Variants in MYO1B observed in about 807,000 individuals in gnomAD.
MYO1B encodes the protein unconventional myosin-Ib.
In MYO1B, 72 loss-of-function variants were observed where a neutral mutation model predicts 159.7. The ratio of observed to expected loss-of-function variants is 0.45; its 90% CI spans 0.37 to 0.55. The LOEUF is 0.55. Among genes scored for constraint, MYO1B ranks in the 20% least tolerant of loss-of-function variants. MYO1B has a pLI of 0.00. For synonymous variants in MYO1B, 468 were observed against 473.8 expected (o/e 0.99, Z 0.16); for missense variants, 1,062 against 1,364.8 (o/e 0.78, Z 3.50).
chr2:191,262,519 C>A (rs1173336370), intron 1 of MYO1B, among the ~76,000 whole-genome samples: 2 of 152,176 alleles, frequency 1.3e-5, no homozygotes, highest in Non-Finnish European at 2.9e-5. Flanking sequence ...ATGGGACCAT[C>A]ACCAGTGACT....
In MYO1B at chr2:191,245,482, C is replaced by A. The variant is rs1320304752; in HGVS notation, c.-154C>A. The stretch of plus-strand genomic sequence containing the variant: ...AGTACCAGAGCGCGCGGCGCGCAGT[C>A]GGCCGGCAGCCGCGGGACAGCCTTG... On this transcript the variant is annotated 5_prime_UTR_variant, in exon 1 of 31. Transcript: ENST00000392318. 1 of 152,084 alleles carries A rather than the reference C, an allele frequency of 6.6e-6. No individual in the cohort carries two copies. The highest frequency in any genetic ancestry group is 1.9e-4 in the East Asian group (1 of 5,182). 9.4% of individuals were successfully genotyped at this position (152,084 alleles called of 1,614,324 possible).
At chr2:191,253,390 G>A (rs1031666922) in intron 1 of MYO1B, among the ~76,000 whole-genome samples, 5 of 152,028 alleles carry the variant, frequency 3.3e-5, no homozygotes, top group Non-Finnish European at 7.4e-5. Context: ...GCCGTACTTG[G>A]TTCACTCTCA....
intron 13 of MYO1B, chr2:191,379,187 C>T (rs918053213): frequency 4.6e-5 from 7 of 152,644 alleles, no homozygotes; most frequent in Non-Finnish European, 8.8e-5. Flanking sequence ...GAATAACTAT[C>T]AATACATGCT....
At chr2:191,383,836 T>TA (rs1487065452) in intron 15 of MYO1B, among the ~76,000 whole-genome samples, 1 of 152,030 alleles carries the variant, frequency 6.6e-6, no homozygotes, top group Non-Finnish European at 1.5e-5. Flanking sequence ...CAAATCAAAA[T>TA]ATCCATTTCA....
intron 1 of MYO1B, among the ~76,000 whole-genome samples, chr2:191,267,330 T>C (rs1180987618): frequency 6.6e-6 from 1 of 152,228 alleles, no homozygotes; most frequent in Non-Finnish European, 1.5e-5. Context: ...GTCAACAACA[T>C]ACTATATGGA....
chr2:191,353,141 T>C (rs1693029824), intron 7 of MYO1B, among the ~76,000 whole-genome samples: 1 of 152,150 alleles, frequency 6.6e-6, no homozygotes, highest in Non-Finnish European at 1.5e-5. Flanking sequence ...GTTAGTGTCA[T>C]TAAGAGAGGT....
intron 3 of MYO1B, among the ~76,000 whole-genome samples, chr2:191,328,951 TTTTCTC>T (rs1250818753): frequency 6.6e-6 from 1 of 152,160 alleles, no homozygotes; most frequent in Non-Finnish European, 1.5e-5. Flanking sequence ...ATTGGCTCCA[TTTTCTC>T]TTTCTCTTTC....
At chr2:191,337,655 A>G (rs1379661513) in intron 4 of MYO1B, among the ~76,000 whole-genome samples, 1 of 152,060 alleles carries the variant, frequency 6.6e-6, no homozygotes, top group Non-Finnish European at 1.5e-5. Flanking sequence ...ATATATATAT[A>G]TGTACGTAAG....
At chr2:191,362,151 A>G (rs1190031493) in intron 8 of MYO1B, 117 bp from the exon 9 acceptor site, 1 of 701,824 alleles carries the variant, frequency 1.4e-6, no homozygotes. Context: ...TGTTCTTTTG[A>G]TTCAATACTT....
At chr2:191,300,339 AT>A (rs35917445) in intron 3 of MYO1B, among the ~76,000 whole-genome samples, 7,622 of 140,754 alleles carry the variant, frequency 0.054, 450 homozygotes, top group African/African-American at 0.19. Context: ...TTACTTGTCA[AT>A]TTTTTTTTTT....
chr2:191,295,083 T>C (rs575470028), intron 2 of MYO1B, among the ~76,000 whole-genome samples: 1 of 152,290 alleles, frequency 6.6e-6, no homozygotes, highest in South Asian at 2.1e-4. Context: ...TTCTTTCCTT[T>C]ATGAACCTTT....
intron 13 of MYO1B, among the ~76,000 whole-genome samples, chr2:191,371,208 T>G (rs1007148396): frequency 3.3e-5 from 5 of 152,174 alleles, no homozygotes; most frequent in Non-Finnish European, 4.4e-5. Flanking sequence ...CAAGTAAGAT[T>G]TGTGAATTTC....
intron 11 of MYO1B, among the ~76,000 whole-genome samples, chr2:191,366,313 A>G (rs1029055828): frequency 2.6e-5 from 4 of 152,114 alleles, no homozygotes; most frequent in Non-Finnish European, 4.4e-5. Flanking sequence ...AAAACTTTCC[A>G]CATTTTCTTA....
At chr2:191,322,146 A>G (rs978931854) in intron 3 of MYO1B, among the ~76,000 whole-genome samples, 4 of 152,172 alleles carry the variant, frequency 2.6e-5, no homozygotes, top group Non-Finnish European at 2.9e-5. Flanking sequence ...ATGCTCCGCT[A>G]TGGGGAACTT....
At chr2:191,347,965 T>A (rs1692673278) in intron 6 of MYO1B, among the ~76,000 whole-genome samples, 1 of 152,204 alleles carries the variant, frequency 6.6e-6, no homozygotes, top group African/African-American at 2.4e-5. Flanking sequence ...TAGTTAATGC[T>A]TGCTCATCGT....
At chr2:191,317,981 G>A (rs940540365) in intron 3 of MYO1B, among the ~76,000 whole-genome samples, 2 of 152,104 alleles carry the variant, frequency 1.3e-5, no homozygotes, top group Non-Finnish European at 2.9e-5. Flanking sequence ...ATGAATATGA[G>A]AAAAGGTGAT....
rs771551697 is a variant in MYO1B at position 191,360,648 on chromosome 2, C to T, written c.580C>T (p.Arg194Trp). ...CTCTTTAGATCTTTTAGAGAAATCT[C>T]GGGTTGTTAAACAGCCAAGAGGTGA... ...VISNYLLEKS[R>W]VVKQPRGERN... is the part of the protein sequence containing the mutation. Residue 194 changes from arginine (R) to tryptophan (W), a missense_variant, in exon 8 of 31, where the codon CGG (arginine) becomes TGG (tryptophan). By Grantham distance (101) the Arg-to-Trp change is moderately radical. Coordinates refer to ENST00000392318, the MANE Select transcript of MYO1B (RefSeq NM_001130158.3). 3.7e-6 allele frequency: 6 copies of T among 1,611,158 alleles called. No individual in the cohort carries two copies. The highest frequency in any genetic ancestry group is 5.1e-6 in the Non-Finnish European group (6 of 1,178,038).
intron 1 of MYO1B, 171 bp downstream of exon 1, chr2:191,245,797 G>C (rs973449279): frequency 6.6e-6 from 1 of 152,292 alleles, no homozygotes; most frequent in Non-Finnish European, 1.5e-5. Context: ...CGCTGCGGCG[G>C]GAACGGCGCA....
intron 1 of MYO1B, among the ~76,000 whole-genome samples, chr2:191,252,226 G>C (rs1264474631): frequency 1.3e-5 from 2 of 152,188 alleles, no homozygotes; most frequent in African/African-American, 2.4e-5. Flanking sequence ...CTGATATAGT[G>C]AGCCATCTAT....
Sources: gnomAD v4.1 joint callset for allele counts (sites outside exome capture counted in the v4.1 genomes callset) on GRCh38, gnomAD v4.1.1 for gene constraint, MANE v1.5 for transcripts, NCBI Gene and HGNC (gene_info 2026-07-23, HGNC 2026-07-21) for gene names.